The following PDSS2 variants were observed in gnomAD, a reference collection of about 807,000 sequenced individuals.
PDSS2 encodes decaprenyl diphosphate synthase subunit 2, also known as all trans-polyprenyl-diphosphate synthase PDSS2.
Under a neutral mutation model 44.5 loss-of-function variants are expected in PDSS2, and 31 were observed. The observed-to-expected ratio is 0.70, with a 90% CI of 0.52 to 0.94. The LOEUF is 0.94. Ranked by LOEUF, PDSS2 falls within the 40% of genes least tolerant of loss-of-function variation. PDSS2 has a pLI of 0.00. For synonymous variants in PDSS2, 157 were observed against 180.3 expected (o/e 0.87, Z 1.03); for missense variants, 452 against 482.2 (o/e 0.94, Z 0.59).
intron 3 of PDSS2, among the ~76,000 whole-genome samples, chr6:107,258,186 G>A (rs996872321): frequency 1.3e-5 from 2 of 152,030 alleles, no homozygotes; most frequent in African/African-American, 2.4e-5. Flanking sequence ...ACCAATTTGG[G>A]GTACTGCTTT....
At chr6:107,279,081 A>T (rs1357598763) in intron 2 of PDSS2, among the ~76,000 whole-genome samples, 4 of 152,100 alleles carry the variant, frequency 2.6e-5, no homozygotes, top group African/African-American at 9.7e-5. Flanking sequence ...TTGGCTGGAC[A>T]TGGTGGCGCA....
intron 2 of PDSS2, among the ~76,000 whole-genome samples, chr6:107,326,301 G>C (rs1363622479): frequency 1.3e-5 from 2 of 151,366 alleles, no homozygotes; most frequent in Non-Finnish European, 2.9e-5. Flanking sequence ...GTAGAGACGG[G>C]ATTTTGCCAT....
chr6:107,441,601 T>G (rs1781512487), intron 1 of PDSS2, among the ~76,000 whole-genome samples: 2 of 152,156 alleles, frequency 1.3e-5, no homozygotes, highest in Non-Finnish European at 1.5e-5. Context: ...TAAGTTATCT[T>G]TTTTGTGGAG....
intron 3 of PDSS2, among the ~76,000 whole-genome samples, chr6:107,258,464 C>T (rs1252779720): frequency 7.3e-6 from 1 of 137,344 alleles, no homozygotes; most frequent in Non-Finnish European, 1.6e-5. Context: ...TTTTAGAAAA[C>T]TAAAAAAAAA....
At chr6:107,255,555 T>C (rs1562411808) in intron 3 of PDSS2, among the ~76,000 whole-genome samples, 1 of 147,974 alleles carries the variant, frequency 6.8e-6, no homozygotes, top group East Asian at 2.0e-4. Context: ...GCCGAGATCG[T>C]GCCATTGCAC....
intron 1 of PDSS2, among the ~76,000 whole-genome samples, chr6:107,382,740 G>A (rs1024808932): frequency 2.0e-5 from 3 of 151,942 alleles, no homozygotes; most frequent in Non-Finnish European, 2.9e-5. Context: ...GGGAGGCTGC[G>A]GTGAGAGGAT....
At position 107,313,042 on chromosome 6, in the gene PDSS2, T is replaced by C. The variant is rs570763053; in HGVS notation, c.431+21156A>G. ...TCTCTTCACCTCCCCGGGGCTCCATTCTCTTAGTTTGAAAACTATATCAGA... is the reference window on the plus strand; with the variant it reads ...TCTCTTCACCTCCCCGGGGCTCCATCCTCTTAGTTTGAAAACTATATCAGA... On this transcript the variant is annotated intron_variant, in intron 2 of 7. Coordinates refer to ENST00000369037, the MANE Select transcript of PDSS2 (RefSeq NM_020381.4). Among the ~76,000 whole-genome samples, 182 of 152,264 alleles carry C rather than the reference T, an allele frequency of 1.2e-3. 1 individual carries two copies. Among genetic ancestry groups the C allele is most frequent in the Middle Eastern group, 3.4e-3 (1 of 292 alleles).
intron 5 of PDSS2, among the ~76,000 whole-genome samples, chr6:107,210,959 G>T (rs986652219): frequency 6.7e-6 from 1 of 148,982 alleles, no homozygotes; most frequent in African/African-American, 2.5e-5. Context: ...TTGCGCCACT[G>T]CACTCCCCTC....
chr6:107,189,584 C>A (rs1271821148), intron 7 of PDSS2, among the ~76,000 whole-genome samples: 1 of 152,148 alleles, frequency 6.6e-6, no homozygotes, highest in Non-Finnish European at 1.5e-5. Context: ...GTGGTCCACC[C>A]CCATGGCCTC....
At chr6:107,223,835 GAGTCTAGAGCAGGGGTCCCCAA>G in intron 4 of PDSS2, among the ~76,000 whole-genome samples, 1 of 148,102 alleles carries the variant, frequency 6.8e-6, no homozygotes, top group Non-Finnish European at 1.5e-5. Context: ...AGAAATCCCA[GAGTCTAGAGCAGGGGTCCCCAA>G]CCTCCAGGCC....
At chr6:107,360,496 C>T (rs1778736870) in intron 1 of PDSS2, among the ~76,000 whole-genome samples, 1 of 152,174 alleles carries the variant, frequency 6.6e-6, no homozygotes, top group African/African-American at 2.4e-5. Flanking sequence ...GTAGGCCCAC[C>T]AGAGGCATAG....
chr6:107,325,916 CA>C (rs1196984563), intron 2 of PDSS2, among the ~76,000 whole-genome samples: 1 of 152,200 alleles, frequency 6.6e-6, no homozygotes, highest in East Asian at 1.9e-4. Flanking sequence ...TTAATCTTTT[CA>C]TTTATAGTGT....
At chr6:107,447,098 C>T (rs1006097603) in intron 1 of PDSS2, among the ~76,000 whole-genome samples, 5 of 152,140 alleles carry the variant, frequency 3.3e-5, no homozygotes, top group African/African-American at 1.2e-4. Context: ...CTTTGGGAGG[C>T]TGAGACAGGC....
chr6:107,384,735 A>G (rs1779560654), intron 1 of PDSS2, among the ~76,000 whole-genome samples: 1 of 152,124 alleles, frequency 6.6e-6, no homozygotes. Flanking sequence ...GTATCTAAAT[A>G]AAGTTGTTAT....
At chr6:107,288,684 A>C (rs1776235929) in intron 2 of PDSS2, among the ~76,000 whole-genome samples, 1 of 147,230 alleles carries the variant, frequency 6.8e-6, no homozygotes, top group South Asian at 2.3e-4. Context: ...CAACGAGTTT[A>C]GGTTTTTCTA....
At chr6:107,348,823 A>G (rs1778334645) in intron 1 of PDSS2, among the ~76,000 whole-genome samples, 1 of 152,214 alleles carries the variant, frequency 6.6e-6, no homozygotes. Flanking sequence ...ATAATAGCGA[A>G]TATCTATTGC....
At chr6:107,373,216 A>C (rs1583005350) in intron 1 of PDSS2, among the ~76,000 whole-genome samples, 1 of 151,822 alleles carries the variant, frequency 6.6e-6, no homozygotes. Context: ...CGATCTCTTG[A>C]CCTCATGATC....
At chr6:107,405,537 C>CAT (rs1159445525) in intron 1 of PDSS2, among the ~76,000 whole-genome samples, 2 of 151,890 alleles carry the variant, frequency 1.3e-5, no homozygotes, top group Admixed American at 1.3e-4. Flanking sequence ...AATGTAAATG[C>CAT]ATTAAATGCT....
At chr6:107,317,875 G>A (rs753575074) in intron 2 of PDSS2, among the ~76,000 whole-genome samples, 13 of 152,066 alleles carry the variant, frequency 8.5e-5, no homozygotes, top group Non-Finnish European at 1.5e-4. Context: ...ATTTACAGTA[G>A]GTAACAAGTT....
Sources: allele counts gnomAD v4.1 joint callset (sites outside exome capture counted in the v4.1 genomes callset), GRCh38; gene constraint gnomAD v4.1.1; transcripts MANE v1.5; gene names NCBI Gene and HGNC (gene_info 2026-07-23, HGNC 2026-07-21).